The following GNAQ variants were observed in gnomAD, a reference collection of about 807,000 sequenced individuals.
GNAQ encodes guanine nucleotide-binding protein G(q) subunit alpha.
A neutral mutation model predicts 43.9 loss-of-function variants in GNAQ; 8 were observed. The ratio of observed to expected loss-of-function variants is 0.18; its 90% CI spans 0.11 to 0.33. The LOEUF (loss-of-function observed/expected upper bound fraction) is 0.33, where lower values mean the gene tolerates loss of function less well. GNAQ is among the 10% of genes least tolerant of loss of function. The pLI is 1.00. For missense variants in GNAQ, 158 were observed against 450.8 expected (o/e 0.35, Z 5.88); for synonymous variants, 155 against 170.7 (o/e 0.91, Z 0.71).
intron 2 of GNAQ, among the ~76,000 whole-genome samples, chr9:77,863,210 G>A (rs1827886568): frequency 1.3e-5 from 2 of 150,878 alleles, no homozygotes; most frequent in Admixed American, 1.3e-4. Flanking sequence ...AAGGAAGGAA[G>A]GAAGGAAGGG....
At chr9:77,837,749 C>A (rs111630590) in intron 2 of GNAQ, among the ~76,000 whole-genome samples, 86 of 151,520 alleles carry the variant, frequency 5.7e-4, no homozygotes, top group African/African-American at 2.1e-3. Flanking sequence ...AATAGTAAAA[C>A]ACCTCTTTTA....
chr9:78,027,348 T>C (rs1823994711), intron 1 of GNAQ, among the ~76,000 whole-genome samples: 1 of 152,202 alleles, frequency 6.6e-6, no homozygotes, highest in Admixed American at 6.5e-5. Context: ...ATAAATTCAT[T>C]TACTCAGCCA....
chr9:77,866,969 A>C (rs1413545389), intron 2 of GNAQ, among the ~76,000 whole-genome samples: 1 of 152,256 alleles, frequency 6.6e-6, no homozygotes, highest in African/African-American at 2.4e-5. Context: ...ACTGAATTTT[A>C]AAGTAGGTAG....
At chr9:77,773,995 CTTT>C (rs547692996) in intron 5 of GNAQ, among the ~76,000 whole-genome samples, 5 of 146,266 alleles carry the variant, frequency 3.4e-5, no homozygotes, top group East Asian at 2.0e-4. Context: ...TCTTCTTCTT[CTTT>C]TTTTTTTTTA....
At chr9:77,941,562 T>C (rs1219617669) in intron 1 of GNAQ, among the ~76,000 whole-genome samples, 1 of 152,144 alleles carries the variant, frequency 6.6e-6, no homozygotes, top group Non-Finnish European at 1.5e-5. Flanking sequence ...AGGTACCATA[T>C]CTTAAAATAT....
chr9:77,920,758 A>G (rs1187323600), intron 2 of GNAQ, among the ~76,000 whole-genome samples: 1 of 152,218 alleles, frequency 6.6e-6, no homozygotes, highest in Non-Finnish European at 1.5e-5. Flanking sequence ...TTATTTGTGG[A>G]AAGATTCCTG....
chr9:77,915,956 CAT>C (rs1246426937), intron 2 of GNAQ, among the ~76,000 whole-genome samples: 4 of 152,212 alleles, frequency 2.6e-5, no homozygotes, highest in African/African-American at 9.6e-5. Flanking sequence ...GGCTGTCAAT[CAT>C]ATTGTTGAGC....
chr9:77,836,046 T>G (rs1827378554), intron 2 of GNAQ, among the ~76,000 whole-genome samples: 1 of 152,222 alleles, frequency 6.6e-6, no homozygotes, highest in Non-Finnish European at 1.5e-5. Context: ...GAACATTCAC[T>G]ATTCACTGAA....
chr9:78,016,407 C>T (rs577490286), intron 1 of GNAQ, among the ~76,000 whole-genome samples: 1 of 152,244 alleles, frequency 6.6e-6, no homozygotes, highest in South Asian at 2.1e-4. Flanking sequence ...TAAATTAGGC[C>T]AGGCACAGTG....
At chr9:77,945,664 G>C (rs1351433165) in intron 1 of GNAQ, among the ~76,000 whole-genome samples, 2 of 152,142 alleles carry the variant, frequency 1.3e-5, no homozygotes, top group African/African-American at 4.8e-5. Flanking sequence ...TAATTAAACT[G>C]TCATTCACAA....
chr9:78,008,761 G>A (rs946882150), intron 1 of GNAQ, among the ~76,000 whole-genome samples: 3 of 152,146 alleles, frequency 2.0e-5, no homozygotes, highest in African/African-American at 7.2e-5. Flanking sequence ...TGGGACTACA[G>A]GCACATGCCA....
At chr9:77,991,653 T>C (rs1408312040) in intron 1 of GNAQ, among the ~76,000 whole-genome samples, 1 of 152,138 alleles carries the variant, frequency 6.6e-6, no homozygotes, top group African/African-American at 2.4e-5. Context: ...TTCTGAGATT[T>C]TGGTGCACCC....
At chr9:77,753,839 T>C (rs1825856157) in intron 5 of GNAQ, among the ~76,000 whole-genome samples, 1 of 96,702 alleles carries the variant, frequency 1.0e-5, no homozygotes, top group Non-Finnish European at 3.1e-5. Context: ...TATACTTGAA[T>C]TAATTAAAAA....
intron 1 of GNAQ, among the ~76,000 whole-genome samples, chr9:77,945,464 C>T (rs1822876641): frequency 6.6e-6 from 1 of 152,102 alleles, no homozygotes; most frequent in Non-Finnish European, 1.5e-5. Flanking sequence ...GTCAAAACGG[C>T]CCTCCATTAT....
intron 2 of GNAQ, among the ~76,000 whole-genome samples, chr9:77,903,336 G>A (rs1452469355): frequency 6.6e-6 from 1 of 152,170 alleles, no homozygotes; most frequent in Non-Finnish European, 1.5e-5. Context: ...CGCTAGAGAT[G>A]CCTCATCCTC....
At chr9:77,979,710 A>G (rs2118490187) in intron 1 of GNAQ, among the ~76,000 whole-genome samples, 1 of 152,322 alleles carries the variant, frequency 6.6e-6, no homozygotes, top group East Asian at 1.9e-4. Context: ...TTATGATACT[A>G]AGATACTTTC....
Position 77,719,251 on chromosome 9 carries a change from CAATACA to C in GNAQ, c.*2066_*2071del. ...AAAACGTGAATTAGCTATAGACATA[CAATACA>C]ATTACATAGATACATATCAATACAG... On this transcript the variant is annotated 3_prime_UTR_variant, in exon 7 of 7. Transcript: ENST00000286548. The C allele has an allele frequency of 4.3e-6, 1 of 231,758 alleles. No individual in the cohort carries two copies. The highest frequency in any genetic ancestry group is 6.1e-5 in the East Asian group (1 of 16,370). 14.4% of individuals were successfully genotyped at this position (231,758 alleles called of 1,614,324 possible). A position where few individuals can be genotyped will look rare whatever the true frequency, so the allele number is the denominator to read the frequency against.
chr9:77,929,863 A>C (rs1277751333), intron 1 of GNAQ, among the ~76,000 whole-genome samples: 1 of 152,060 alleles, frequency 6.6e-6, no homozygotes, highest in Non-Finnish European at 1.5e-5. Flanking sequence ...ACCTGCAACA[A>C]TACTTTATTG....
At chr9:77,875,739 C>A (rs1828115092) in intron 2 of GNAQ, among the ~76,000 whole-genome samples, 1 of 152,186 alleles carries the variant, frequency 6.6e-6, no homozygotes, top group African/African-American at 2.4e-5. Context: ...TGCTCAAAGT[C>A]AGTGACATAA....
Sources: gnomAD v4.1 joint callset for allele counts (sites outside exome capture counted in the v4.1 genomes callset) on GRCh38, gnomAD v4.1.1 for gene constraint, MANE v1.5 for transcripts, NCBI Gene and HGNC (gene_info 2026-07-23, HGNC 2026-07-21) for gene names.